The following ATP9A variants were observed in gnomAD, a reference collection of about 807,000 sequenced individuals.
ATP9A encodes the protein probable phospholipid-transporting ATPase IIA.
In ATP9A, 52 loss-of-function variants were observed where a neutral mutation model predicts 144.1. The observed-to-expected ratio is 0.36, with a 90% CI of 0.29 to 0.45. The LOEUF (loss-of-function observed/expected upper bound fraction) is 0.45. Among genes scored for constraint, ATP9A ranks in the 20% least tolerant of loss-of-function variants. The pLI, the probability that ATP9A is intolerant of heterozygous loss-of-function variation, is 1.00. For synonymous variants in ATP9A, 582 were observed against 557.4 expected (o/e 1.04, Z -0.62); for missense variants, 947 against 1,392.7 (o/e 0.68, Z 5.09).
At chr20:51,695,948 G>C (rs2077568951) in intron 6 of ATP9A, 145 bp downstream of exon 6, 2 of 698,398 alleles carry the variant, frequency 2.9e-6, no homozygotes, top group Admixed American at 5.3e-5. Flanking sequence ...TGTTTAAAAA[G>C]CACGGTCTAT....
At chr20:51,666,710 GAAGA>G (rs1380210435) in intron 13 of ATP9A, among the ~76,000 whole-genome samples, 6 of 150,636 alleles carry the variant, frequency 4.0e-5, no homozygotes, top group Admixed American at 4.0e-4. Flanking sequence ...GAAAGAAAAA[GAAGA>G]AAGAACCACT....
chr20:51,742,699 G>C (rs149894054), intron 1 of ATP9A, among the ~76,000 whole-genome samples: 1 of 152,240 alleles, frequency 6.6e-6, no homozygotes, highest in East Asian at 1.9e-4. Flanking sequence ...ATTTTTAGTA[G>C]AGACGGCGTT....
chr20:51,606,843 A>G (rs2077165653), intron 26 of ATP9A, among the ~76,000 whole-genome samples: 1 of 151,192 alleles, frequency 6.6e-6, no homozygotes, highest in Non-Finnish European at 1.5e-5. Context: ...GCTCCACTGA[A>G]CTCCAGCCTG....
chr20:51,676,622 G>A (rs2077478393), intron 9 of ATP9A, among the ~76,000 whole-genome samples: 1 of 152,174 alleles, frequency 6.6e-6, no homozygotes, highest in Non-Finnish European at 1.5e-5. Context: ...TGGATTACAG[G>A]CACCTGCCAC....
chr20:51,692,401 G>A (rs144442920), intron 7 of ATP9A, among the ~76,000 whole-genome samples: 236 of 152,312 alleles, frequency 1.5e-3, no homozygotes, highest in Middle Eastern at 3.4e-3. Context: ...GTCAGGGGGA[G>A]CAGCAGTCAC....
chr20:51,664,020 A>ACTTTGGT (rs1436534347), intron 13 of ATP9A, among the ~76,000 whole-genome samples: 1 of 152,054 alleles, frequency 6.6e-6, no homozygotes, highest in East Asian at 1.9e-4. Flanking sequence ...ATGTGGAATA[A>ACTTTGGT]TCCCAATTAT....
chr20:51,741,255 A>G (rs1200647669), intron 1 of ATP9A, among the ~76,000 whole-genome samples: 1 of 152,072 alleles, frequency 6.6e-6, no homozygotes, highest in East Asian at 1.9e-4. Context: ...ACTGATGTCA[A>G]TGGCAAAGGA....
At chr20:51,698,826 A>G (rs577460130) in intron 4 of ATP9A, among the ~76,000 whole-genome samples, 1 of 152,336 alleles carries the variant, frequency 6.6e-6, no homozygotes, top group African/African-American at 2.4e-5. Flanking sequence ...CAAGACGTAA[A>G]GCATCAGGAA....
intron 9 of ATP9A, among the ~76,000 whole-genome samples, chr20:51,679,968 G>A (rs987292502): frequency 2.0e-4 from 31 of 152,308 alleles, no homozygotes; most frequent in African/African-American, 6.5e-4. Context: ...GGTGGCTCAC[G>A]CCTGTATTCC....
At chr20:51,669,624 G>T (rs1295902557) in intron 13 of ATP9A, among the ~76,000 whole-genome samples, 1 of 152,096 alleles carries the variant, frequency 6.6e-6, no homozygotes, top group Non-Finnish European at 1.5e-5. Context: ...CTATTTATTG[G>T]GCATATAATT....
rs987717809 is a variant in ATP9A, at chr20:51,696,217, G to GC, written c.496-74dup. ...CTGTGCGGTGGGGAGGGGGGCTTCC[G>GC]CCCCCACCCCCAACCCCTCGGTGGG... On this transcript the variant is annotated intron_variant, in intron 5 of 27. Coordinates refer to ENST00000338821, the MANE Select transcript of ATP9A (RefSeq NM_006045.3). 3 of 1,421,662 alleles carry GC rather than the reference G, an allele frequency of 2.1e-6. No homozygotes were observed. The African/African-American group carries it at 4.3e-5, about 20-fold the overall frequency. The allele number at this position is 1,421,662 out of a possible 1,614,324, so 88.1% of individuals were successfully genotyped here. A position where few individuals can be genotyped will look rare whatever the true frequency, so the allele number is the denominator to read the frequency against.
At chr20:51,622,623 T>G (rs1477308660) in intron 18 of ATP9A, among the ~76,000 whole-genome samples, 2 of 152,196 alleles carry the variant, frequency 1.3e-5, no homozygotes, top group African/African-American at 4.8e-5. Context: ...GGGGTTTAAC[T>G]CAGCTTATAA....
chr20:51,766,956 G>C (rs2077906768), intron 1 of ATP9A, among the ~76,000 whole-genome samples: 1 of 152,004 alleles, frequency 6.6e-6, no homozygotes. Context: ...CTTCCCTATA[G>C]CCCTTAACCT....
At chr20:51,686,550 G>T (rs944995466) in intron 9 of ATP9A, among the ~76,000 whole-genome samples, 1 of 152,140 alleles carries the variant, frequency 6.6e-6, no homozygotes, top group Non-Finnish European at 1.5e-5. Context: ...ATGAGAAAAA[G>T]AAGAACCACA....
intron 2 of ATP9A, among the ~76,000 whole-genome samples, chr20:51,728,143 G>A (rs1601131663): frequency 6.6e-6 from 1 of 152,178 alleles, no homozygotes; most frequent in East Asian, 1.9e-4. Flanking sequence ...AAGAACCATT[G>A]GTGCCTCTTG....
chr20:51,727,774 T>C (rs1601131368), intron 2 of ATP9A, among the ~76,000 whole-genome samples: 1 of 150,124 alleles, frequency 6.7e-6, no homozygotes, highest in East Asian at 2.0e-4. Context: ...TACTAAAAAA[T>C]AAAAAAAGTA....
chr20:51,741,059 A>AT (rs527661766), intron 1 of ATP9A, among the ~76,000 whole-genome samples: 1 of 149,662 alleles, frequency 6.7e-6, no homozygotes, highest in African/African-American at 2.5e-5. Flanking sequence ...ATAAATTTTA[A>AT]TTAATTAATT....
intron 11 of ATP9A, among the ~76,000 whole-genome samples, chr20:51,673,825 A>T (rs561137276): frequency 1.3e-5 from 2 of 152,142 alleles, no homozygotes; most frequent in Non-Finnish European, 2.9e-5. Context: ...TGAGTCAGGT[A>T]GATCACCTGA....
At chr20:51,615,456 A>AT (rs1488470894) in intron 22 of ATP9A, among the ~76,000 whole-genome samples, 1 of 152,196 alleles carries the variant, frequency 6.6e-6, no homozygotes, top group Non-Finnish European at 1.5e-5. Context: ...TGTGTTTTCA[A>AT]TTTAAAAAAA....
Sources: gnomAD v4.1 joint callset for allele counts (sites outside exome capture counted in the v4.1 genomes callset) on GRCh38, gnomAD v4.1.1 for gene constraint, MANE v1.5 for transcripts, NCBI Gene and HGNC (gene_info 2026-07-23, HGNC 2026-07-21) for gene names.